NLGN1: variants seen among roughly 807,000 people sequenced by gnomAD.
NLGN1 encodes the protein neuroligin 1.
In NLGN1, 12 loss-of-function variants were observed where a neutral mutation model predicts 65.5. The ratio of observed to expected loss-of-function variants is 0.18; its 90% confidence interval spans 0.12 to 0.30. The LOEUF (loss-of-function observed/expected upper bound fraction) is 0.30. Among genes scored for constraint, NLGN1 ranks in the 10% least tolerant of loss-of-function variants. The pLI, the probability that NLGN1 is intolerant of heterozygous loss-of-function variation, is 1.00. For synonymous variants in NLGN1, 350 were observed against 359.5 expected (o/e 0.97, Z 0.30); for missense variants, 750 against 1,007.1 (o/e 0.74, Z 3.46).
At chr3:174,229,728 G>A (rs1189439835) in intron 4 of NLGN1, among the ~76,000 whole-genome samples, 2 of 152,178 alleles carry the variant, frequency 1.3e-5, no homozygotes, top group African/African-American at 4.8e-5. Context: ...TAAAGCAAGA[G>A]GACATAACAA....
Position 173,800,124 on chromosome 3 carries a change from T to A in NLGN1, c.494-7556T>A, listed in dbSNP as rs762405314. ...ATGAGATATTTTTGGGAAAGGGTTTTTTTTTCTTAAACAAAAATAGGTAGT... is the reference window on the plus strand; with the variant it reads ...ATGAGATATTTTTGGGAAAGGGTTTATTTTTCTTAAACAAAAATAGGTAGT... On this transcript the variant is annotated intron_variant, in intron 3 of 6. Transcript: ENST00000457714. Among the ~76,000 whole-genome samples, 132 of 151,806 alleles carry A rather than the reference T, an allele frequency of 8.7e-4. 2 individuals are homozygous for A. The highest frequency in any genetic ancestry group is 1.1e-3 in the Non-Finnish European group (73 of 67,746).
intron 3 of NLGN1, among the ~76,000 whole-genome samples, chr3:173,710,335 C>T (rs1322603590): frequency 6.6e-6 from 1 of 152,004 alleles, no homozygotes; most frequent in African/African-American, 2.4e-5. Flanking sequence ...CTATTGTAAG[C>T]TGTATTTCCA....
chr3:173,568,197 T>C (rs189075420), intron 2 of NLGN1, among the ~76,000 whole-genome samples: 7 of 150,780 alleles, frequency 4.6e-5, no homozygotes, highest in Non-Finnish European at 1.0e-4. Flanking sequence ...CCTTTTCTTT[T>C]CTTTCCTTTC....
At position 173,838,915 on chromosome 3, in the gene NLGN1, T is replaced by TAGA. The variant is rs538719511; in HGVS notation, c.646+31086_646+31088dup. ...CTTCACATGAAAAGTCTTACTGATA[T>TAGA]AGAAGTGTATTTTTTTGGTATACAT... On this transcript the variant is annotated intron_variant, in intron 4 of 6. Transcript: ENST00000457714. 1.1e-3 allele frequency among the ~76,000 whole-genome samples: 172 copies of TAGA among 152,346 alleles called. 1 individual carries two copies. The highest frequency in any genetic ancestry group is 3.9e-3 in the African/African-American group (162 of 41,586).
intron 5 of NLGN1, among the ~76,000 whole-genome samples, chr3:174,278,404 C>A (rs558965196): frequency 2.7e-4 from 41 of 151,944 alleles, no homozygotes; most frequent in Admixed American, 6.6e-4. Flanking sequence ...CTGTTTAAAA[C>A]AAATATAGAG....
At chr3:173,690,653 G>A (rs1393938762) in intron 3 of NLGN1, among the ~76,000 whole-genome samples, 1 of 152,176 alleles carries the variant, frequency 6.6e-6, no homozygotes, top group Non-Finnish European at 1.5e-5. Context: ...GTGTATGAAT[G>A]ATTCATGGAC....
At chr3:173,744,348 T>C (rs532006629) in intron 3 of NLGN1, among the ~76,000 whole-genome samples, 1 of 152,218 alleles carries the variant, frequency 6.6e-6, no homozygotes, top group South Asian at 2.1e-4. Context: ...GACACTATGC[T>C]TAATTTAAGG....
chr3:174,195,101 T>TC, intron 4 of NLGN1, among the ~76,000 whole-genome samples: 2 of 152,160 alleles, frequency 1.3e-5, no homozygotes, highest in South Asian at 4.1e-4. Context: ...CCTCAGGTCA[T>TC]CCCCCTGCCT....
chr3:173,482,179 T>C (rs1727408345), intron 2 of NLGN1, among the ~76,000 whole-genome samples: 1 of 151,952 alleles, frequency 6.6e-6, no homozygotes, highest in Admixed American at 6.6e-5. Context: ...ATAGCATATA[T>C]GGAAATGCCT....
chr3:173,475,748 G>T (rs938718014), intron 2 of NLGN1, among the ~76,000 whole-genome samples: 4 of 152,064 alleles, frequency 2.6e-5, no homozygotes, highest in African/African-American at 9.7e-5. Context: ...TTATCTCTTT[G>T]AACTAAGCAC....
rs368482409 is a variant in NLGN1 at position 173,659,627 on chromosome 3, T to C, written c.493+54536T>C. The stretch of plus-strand genomic sequence containing the variant: ...CAGCTAACATATTGGGTTTATTATA[T>C]ATATATGTATATTAAAAAAACCATT... On this transcript the variant is annotated intron_variant, in intron 3 of 6. Transcript: ENST00000457714. Among the ~76,000 whole-genome samples, 5 of 151,878 alleles carry C rather than the reference T, an allele frequency of 3.3e-5. No individual in the cohort carries two copies. In the South Asian group the frequency reaches 8.3e-4, roughly 25 times the overall value.
chr3:173,788,832 TTA>T (rs1711914010), intron 3 of NLGN1, among the ~76,000 whole-genome samples: 4 of 58,760 alleles, frequency 6.8e-5, no homozygotes, highest in East Asian at 3.1e-4. Flanking sequence ...AAGACCTCAT[TTA>T]AAAAAAAAAA....
intron 2 of NLGN1, among the ~76,000 whole-genome samples, chr3:173,467,896 A>AC (rs1166146932): frequency 6.6e-6 from 1 of 152,152 alleles, no homozygotes; most frequent in Non-Finnish European, 1.5e-5. Flanking sequence ...TTTAGTGGTG[A>AC]CCACAGGCAA....
At chr3:174,035,368 G>A (rs937616209) in intron 4 of NLGN1, among the ~76,000 whole-genome samples, 3 of 152,152 alleles carry the variant, frequency 2.0e-5, no homozygotes, top group African/African-American at 7.2e-5. Flanking sequence ...ATTCAAAACT[G>A]CTGACACTGT....
intron 3 of NLGN1, among the ~76,000 whole-genome samples, chr3:173,775,730 A>G (rs1182938276): frequency 6.6e-6 from 1 of 152,192 alleles, no homozygotes; most frequent in South Asian, 2.1e-4. Flanking sequence ...ACATGGAAGT[A>G]GTTTAAAAAC....
At chr3:173,959,094 T>G (rs1712885880) in intron 4 of NLGN1, among the ~76,000 whole-genome samples, 1 of 152,226 alleles carries the variant, frequency 6.6e-6, no homozygotes, top group South Asian at 2.1e-4. Context: ...TGCCTGGGTC[T>G]GCAGCTGTGG....
At chr3:173,570,662 A>G (rs1015618443) in intron 2 of NLGN1, among the ~76,000 whole-genome samples, 3 of 152,044 alleles carry the variant, frequency 2.0e-5, no homozygotes, top group African/African-American at 4.8e-5. Flanking sequence ...CACTTATACT[A>G]TGTCAGTTTT....
chr3:173,533,516 G>A (rs1220618204), intron 2 of NLGN1, among the ~76,000 whole-genome samples: 1 of 152,112 alleles, frequency 6.6e-6, no homozygotes. Context: ...GGAAAATAAA[G>A]CCCGTAATCT....
chr3:173,736,389 G>C (rs1311500889), intron 3 of NLGN1, among the ~76,000 whole-genome samples: 1 of 152,038 alleles, frequency 6.6e-6, no homozygotes, highest in Non-Finnish European at 1.5e-5. Flanking sequence ...CATATGCACA[G>C]TTTGTGTGTA....
Sources: allele counts gnomAD v4.1 joint callset (sites outside exome capture counted in the v4.1 genomes callset), GRCh38; gene constraint gnomAD v4.1.1; transcripts MANE v1.5; gene names NCBI Gene and HGNC (gene_info 2026-07-23, HGNC 2026-07-21).